Variants in DST observed in about 807,000 individuals in gnomAD.
DST encodes dystonin.
A neutral mutation model predicts 875.2 loss-of-function variants in DST; 253 were observed. The ratio of observed to expected loss-of-function variants is 0.29; its 90% CI spans 0.26 to 0.32. The LOEUF (loss-of-function observed/expected upper bound fraction) is 0.32, where lower values mean the gene tolerates loss of function less well. DST is among the 10% of genes least tolerant of loss of function. The pLI, the probability that DST is intolerant of heterozygous loss-of-function variation, is 1.00. For synonymous variants in DST, 3,124 were observed against 3,197.1 expected, an observed-to-expected ratio of 0.98 and a Z score of 0.77; for missense variants, 8,287 against 9,111.6, an observed-to-expected ratio of 0.91 and a Z score of 3.68.
intron 89 of DST, chr6:56,482,428 G>A: frequency 1.9e-6 from 1 of 520,508 alleles, no homozygotes; most frequent in Non-Finnish European, 3.2e-6. Flanking sequence ...ATGAATGGCA[G>A]TCCATCATAC....
chr6:56,625,972 T>TAAAAAAAAA (rs76788667), intron 34 of DST, among the ~76,000 whole-genome samples: 3 of 74,940 alleles, frequency 4.0e-5, no homozygotes, highest in African/African-American at 7.3e-5. Context: ...GTTTAAAAAG[T>TAAAAAAAAA]AAAAAAAAAA....
chr6:56,628,560 A>T (rs1335249237), intron 32 of DST, among the ~76,000 whole-genome samples: 1 of 152,232 alleles, frequency 6.6e-6, no homozygotes, highest in African/African-American at 2.4e-5. Context: ...ACATGGTCTC[A>T]GAGAGTATTT....
At chr6:56,882,923 G>C (rs778504460) in intron 3 of DST, among the ~76,000 whole-genome samples, 1 of 152,172 alleles carries the variant, frequency 6.6e-6, no homozygotes, top group African/African-American at 2.4e-5. Context: ...CTGGAATGAG[G>C]TGGCATGATC....
At chr6:56,870,485 A>C (rs887004421) in intron 3 of DST, among the ~76,000 whole-genome samples, 1 of 150,574 alleles carries the variant, frequency 6.6e-6, no homozygotes, top group African/African-American at 2.4e-5. Context: ...CAAAGCAGCC[A>C]GGCACAGTGG....
chr6:56,552,479 C>T lies in DST; in HGVS notation c.16313G>A (p.Ser5438Asn). The T allele has an allele frequency of 6.2e-7, 1 of 1,613,976 alleles. No individual in the cohort carries two copies. Among genetic ancestry groups the T allele is most frequent in the Non-Finnish European group, 8.5e-7 (1 of 1,179,892 alleles). Residue 5438 changes from serine to asparagine, a missense_variant, in exon 61 of 104, where the codon AGC becomes AAC. Around this residue, in one of 10 missense-constraint regions of DST, gnomAD observed 777 missense variants for 764.8 expected, o/e 1.02. Transcript: ENST00000680361. The stretch of plus-strand genomic sequence containing the variant: ...GCAGGTTTTATTGGCATTGTCATTG[C>T]TTGCCATGAGGGCTTCTAGTTTCTT... ...FLKKLEALMA[S>N]NDNANKTCKM...
At chr6:56,744,416 G>A (rs1387881596) in intron 4 of DST, among the ~76,000 whole-genome samples, 1 of 151,964 alleles carries the variant, frequency 6.6e-6, no homozygotes, top group Admixed American at 6.5e-5. Context: ...TTAGAGTTGT[G>A]TAGAAATAAT....
Position 56,573,839 on chromosome 6 carries a change from C to T in DST, c.13076G>A (p.Arg4359Gln), listed in dbSNP as rs753675392. The T allele has an allele frequency of 1.1e-5, 17 of 1,613,350 alleles. No homozygotes were observed. The highest frequency in any genetic ancestry group is 8.8e-5 in the South Asian group (8 of 91,056). ...YEDLSKSVNE[R>Q]NEKLQITLTR... Reference sequence around the variant, plus strand: ...CAAGGTTATCTGGAGTTTTTCATTTCGTTCATTAACAGACTTGGACAGATC... The same window carrying T: ...CAAGGTTATCTGGAGTTTTTCATTTTGTTCATTAACAGACTTGGACAGATC... Residue 4359 changes from arginine to glutamine, a missense_variant, in exon 51 of 104, where the codon CGA becomes CAA. Arg to Gln is a conservative substitution (Grantham distance 43, BLOSUM62 1). Coordinates refer to ENST00000680361, the MANE Select transcript of DST (RefSeq NM_001374736.1).
rs772927668 is a variant in DST, at chr6:56,604,958, T to A, written c.9670A>T (p.Asn3224Tyr). ...MKEHLQLGVN[N>Y]TKEKSTSTQK... ...GTACTAGTGGACTTCTCTTTTGTATTATTAACTCCTAATTGTAAATGTTCT... is the reference window on the plus strand; with the variant it reads ...GTACTAGTGGACTTCTCTTTTGTATAATTAACTCCTAATTGTAAATGTTCT... Residue 3224 changes from asparagine to tyrosine, a missense_variant, in exon 40 of 104, where the codon AAT (asparagine) becomes TAT (tyrosine). Asn to Tyr is a moderately radical substitution (Grantham distance 143). This residue lies in a region of DST where 3,138 missense variants were observed against 3,116.6 expected (regional missense o/e 1.01). Coordinates refer to ENST00000680361, the MANE Select transcript of DST (RefSeq NM_001374736.1). The A allele has an allele frequency of 1.9e-6, 3 of 1,612,824 alleles. No homozygotes were observed. Among genetic ancestry groups the A allele is most frequent in the Non-Finnish European group, 2.5e-6 (3 of 1,179,220 alleles).
chr6:56,610,383 C>G, intron 39 of DST, 44 bp downstream of exon 39: 1 of 1,457,060 alleles, frequency 6.9e-7, no homozygotes, highest in East Asian at 2.5e-5. Context: ...TGCAATCAAA[C>G]TAAGCTTCTT....
At position 56,897,384 on chromosome 6, in the gene DST, T is replaced by A. The variant is rs150718765; in HGVS notation, c.417+3037A>T. Among the ~76,000 whole-genome samples the A allele has an allele frequency of 2.2e-3, 337 of 151,718 alleles. 3 individuals carry two copies. The highest frequency in any genetic ancestry group is 0.014 in the Middle Eastern group (4 of 292). On this transcript the variant is annotated intron_variant, in intron 3 of 103. Coordinates refer to ENST00000680361, the MANE Select transcript of DST (RefSeq NM_001374736.1). ...TCTCACTCTATTGCCAAGGCTGGAGTGCAATGGCACGATCTTGGCTCCCTG... is the reference window on the plus strand; with the variant it reads ...TCTCACTCTATTGCCAAGGCTGGAGAGCAATGGCACGATCTTGGCTCCCTG...
chr6:56,936,437 C>T (rs1813034435), intron 2 of DST, among the ~76,000 whole-genome samples: 1 of 152,166 alleles, frequency 6.6e-6, no homozygotes, highest in South Asian at 2.1e-4. Context: ...TGCAGCAGTG[C>T]AGCCTGAAAC....
chr6:56,916,823 C>CACACACACACAG (rs555473872), intron 2 of DST, among the ~76,000 whole-genome samples: 4 of 140,698 alleles, frequency 2.8e-5, no homozygotes, highest in Admixed American at 1.4e-4. Context: ...CACACACACA[C>CACACACACACAG]AGAGAGACAG....
At chr6:56,694,283 A>G (rs2099250258) in intron 9 of DST, among the ~76,000 whole-genome samples, 1 of 151,782 alleles carries the variant, frequency 6.6e-6, no homozygotes, top group African/African-American at 2.4e-5. Flanking sequence ...TTTCACTACT[A>G]AAAAAATTAA....
At chr6:56,830,352 G>A (rs1450173323) in intron 4 of DST, among the ~76,000 whole-genome samples, 2 of 152,072 alleles carry the variant, frequency 1.3e-5, no homozygotes, top group South Asian at 2.1e-4. Context: ...ATATATTATG[G>A]AGAAAAAAGA....
intron 73 of DST, 37 bp downstream of exon 73, chr6:56,511,160 G>A (rs1368094696): frequency 7.9e-6 from 12 of 1,520,110 alleles, no homozygotes; most frequent in East Asian, 2.4e-5. Flanking sequence ...TCTGTTGTCT[G>A]CAAGAACCCA....
chr6:56,866,197 T>C (rs1463343267), intron 3 of DST, among the ~76,000 whole-genome samples: 1 of 152,116 alleles, frequency 6.6e-6, no homozygotes, highest in Non-Finnish European at 1.5e-5. Flanking sequence ...GCCAACTCAC[T>C]ATGTTGGCCA....
intron 10 of DST, among the ~76,000 whole-genome samples, chr6:56,666,797 A>T (rs2099074523): frequency 6.7e-6 from 1 of 149,644 alleles, no homozygotes; most frequent in Non-Finnish European, 1.5e-5. Flanking sequence ...GTGCAGTGAC[A>T]CAGTCACAAC....
At chr6:56,881,803 T>C (rs1291291520) in intron 3 of DST, among the ~76,000 whole-genome samples, 5 of 152,130 alleles carry the variant, frequency 3.3e-5, no homozygotes, top group African/African-American at 7.2e-5. Flanking sequence ...ACAATTTCTA[T>C]AATTTGCCAT....
At chr6:56,615,884 C>CA in intron 36 of DST, 1 of 1,614,166 alleles carries the variant, frequency 6.2e-7, no homozygotes, top group Non-Finnish European at 8.5e-7. Flanking sequence ...GATGGGATGG[C>CA]CAATCCCTGT....
Sources: gnomAD v4.1 joint callset for allele counts (sites outside exome capture counted in the v4.1 genomes callset) on GRCh38, gnomAD v4.1.1 for gene constraint, gnomAD v4.1.1 regional missense constraint, MANE v1.5 for transcripts, NCBI Gene and HGNC (gene_info 2026-07-23, HGNC 2026-07-21) for gene names.